Variants in SLCO1B1 observed in about 807,000 individuals in gnomAD.
SLCO1B1 encodes solute carrier organic anion transporter family member 1B1.
A neutral mutation model predicts 70.1 loss-of-function variants in SLCO1B1; 81 were observed. The observed-to-expected ratio is 1.16, with a 90% CI of 0.97 to 1.39. The LOEUF (loss-of-function observed/expected upper bound fraction) is 1.39. Ranked by LOEUF, SLCO1B1 falls within the 40% of genes most tolerant of loss-of-function variation. The probability of loss-of-function intolerance (pLI) is 0.00; values close to 1 mark genes in which losing one functional copy is unlikely to be tolerated. For synonymous variants in SLCO1B1, 283 were observed against 271.5 expected, an observed-to-expected ratio of 1.04 and a Z score of -0.42; for missense variants, 895 against 799.6, an observed-to-expected ratio of 1.12 and a Z score of -1.44.
rs772419026 is a variant in SLCO1B1, at chr12:21,200,693, G to T, written c.1135+21G>T. ...ATTGGGTAAGACATATTTTTTACTT[G>T]TGTGCTTAATAAGTGAAATAATACT... On this transcript the variant is annotated intron_variant, in intron 9 of 14. Transcript: ENST00000256958. The T allele has an allele frequency of 4.4e-6, 7 of 1,600,428 alleles. No homozygotes were observed. In the African/African-American group the frequency reaches 9.4e-5, roughly 21 times the overall value.
chr12:21,142,291 C>G (rs1218655113), intron 2 of SLCO1B1, among the ~76,000 whole-genome samples: 1 of 151,856 alleles, frequency 6.6e-6, no homozygotes. Flanking sequence ...TTAAGTGATG[C>G]TGGCATTTTT....
chr12:21,155,720 T>C (rs1313955888), intron 2 of SLCO1B1, among the ~76,000 whole-genome samples: 1 of 152,134 alleles, frequency 6.6e-6, no homozygotes, highest in Non-Finnish European at 1.5e-5. Context: ...CAGTAACCAA[T>C]AAATCACGTC....
intron 13 of SLCO1B1, among the ~76,000 whole-genome samples, chr12:21,223,939 G>C (rs891504558): frequency 6.6e-6 from 1 of 152,088 alleles, no homozygotes; most frequent in Non-Finnish European, 1.5e-5. Flanking sequence ...GAAAAGCCTT[G>C]CATTCTGCTA....
chr12:21,174,461 T>G, intron 3 of SLCO1B1, 116 bp from the exon 4 acceptor site: 2 of 955,892 alleles, frequency 2.1e-6, no homozygotes, highest in African/African-American at 1.6e-5. Context: ...TTAAATCACA[T>G]TGTCTTTGAG....
At chr12:21,201,873 A>G (rs1941161987) in intron 9 of SLCO1B1, among the ~76,000 whole-genome samples, 1 of 152,194 alleles carries the variant, frequency 6.6e-6, no homozygotes, top group South Asian at 2.1e-4. Context: ...TTAAAAAGTA[A>G]TAAGATTGGC....
At chr12:21,179,245 A>G (rs1940863647) in intron 7 of SLCO1B1, among the ~76,000 whole-genome samples, 1 of 152,186 alleles carries the variant, frequency 6.6e-6, no homozygotes, top group Non-Finnish European at 1.5e-5. Context: ...ATGTAAACAA[A>G]TTTATTTTCA....
At chr12:21,226,117 T>G (rs1353917929) in intron 14 of SLCO1B1, among the ~76,000 whole-genome samples, 1 of 152,118 alleles carries the variant, frequency 6.6e-6, no homozygotes, top group Non-Finnish European at 1.5e-5. Context: ...AAGAAGGCAG[T>G]CTAAAGAAGC....
intron 5 of SLCO1B1, among the ~76,000 whole-genome samples, chr12:21,177,346 A>G (rs1054642883): frequency 6.6e-6 from 1 of 152,200 alleles, no homozygotes; most frequent in Admixed American, 6.5e-5. Context: ...TATATGCATT[A>G]AAGTAAAACA....
chr12:21,141,416 T>C, intron 1 of SLCO1B1, 98 bp from the exon 2 acceptor site: 1 of 516,780 alleles, frequency 1.9e-6, no homozygotes. Context: ...TGAATGTTAG[T>C]GAATGGTTGA....
At chr12:21,194,991 G>C (rs915379798) in intron 7 of SLCO1B1, among the ~76,000 whole-genome samples, 1 of 152,116 alleles carries the variant, frequency 6.6e-6, no homozygotes, top group Non-Finnish European at 1.5e-5. Context: ...CTTCTCCTGA[G>C]AACTCATACA....
chr12:21,214,820 G>A (rs1489482475), intron 11 of SLCO1B1, among the ~76,000 whole-genome samples: 6 of 152,162 alleles, frequency 3.9e-5, no homozygotes, highest in Admixed American at 2.6e-4. Context: ...GGAGTGACCC[G>A]ATTTTCCAGG....
At chr12:21,207,908 T>C (rs1941232736) in intron 11 of SLCO1B1, among the ~76,000 whole-genome samples, 1 of 152,086 alleles carries the variant, frequency 6.6e-6, no homozygotes, top group Non-Finnish European at 1.5e-5. Context: ...ATGTTAAACA[T>C]TTTTATGTGT....
At chr12:21,154,516 A>G (rs12371691) in intron 2 of SLCO1B1, among the ~76,000 whole-genome samples, 19,841 of 152,104 alleles carry the variant, frequency 0.13, 1,792 homozygotes, top group Middle Eastern at 0.23. Flanking sequence ...ATATTTTCTT[A>G]CAGCACCCCA....
chr12:21,209,036 G>T (rs2121161410), intron 11 of SLCO1B1, among the ~76,000 whole-genome samples: 1 of 150,636 alleles, frequency 6.6e-6, no homozygotes, highest in South Asian at 2.1e-4. Flanking sequence ...GAGTATTTAG[G>T]GTTTTTTTTT....
Position 21,214,804 on chromosome 12 carries a change from C to G in SLCO1B1, c.1498-2315C>G, listed in dbSNP as rs141530185. Among the ~76,000 whole-genome samples, 59 of 152,256 alleles carry G rather than the reference C, an allele frequency of 3.9e-4. No homozygotes were observed. In the East Asian group the frequency reaches 0.011, roughly 29 times the overall value. On this transcript the variant is annotated intron_variant, in intron 11 of 14. Transcript: ENST00000256958. Reference sequence around the variant, plus strand: ...AAGCCCCTCGGAAAAGCGCAGTATTCGGGTGGGAGTGACCCGATTTTCCAG... The same window carrying G: ...AAGCCCCTCGGAAAAGCGCAGTATTGGGGTGGGAGTGACCCGATTTTCCAG...
At chr12:21,216,019 C>G (rs557053582) in intron 11 of SLCO1B1, among the ~76,000 whole-genome samples, 49 of 152,208 alleles carry the variant, frequency 3.2e-4, no homozygotes, top group African/African-American at 1.0e-3. Context: ...TAGCGAAGGC[C>G]TGAAAGTGAT....
At chr12:21,208,367 C>T (rs1254546672) in intron 11 of SLCO1B1, among the ~76,000 whole-genome samples, 2 of 152,092 alleles carry the variant, frequency 1.3e-5, no homozygotes, top group African/African-American at 2.4e-5. Flanking sequence ...TATTCCAGCA[C>T]CATTTACTGA....
At chr12:21,154,928 T>C (rs1197543679) in intron 2 of SLCO1B1, among the ~76,000 whole-genome samples, 1 of 152,044 alleles carries the variant, frequency 6.6e-6, no homozygotes, top group Non-Finnish European at 1.5e-5. Flanking sequence ...TATTTCTTTG[T>C]CTTTTGTGTA....
intron 1 of SLCO1B1, among the ~76,000 whole-genome samples, chr12:21,136,525 CG>C (rs1940224470): frequency 6.6e-6 from 1 of 151,764 alleles, no homozygotes; most frequent in African/African-American, 2.4e-5. Flanking sequence ...AGGCTTTGTT[CG>C]TTTCTTTTTA....
Sources: allele counts gnomAD v4.1 joint callset (sites outside exome capture counted in the v4.1 genomes callset), GRCh38; gene constraint gnomAD v4.1.1; transcripts MANE v1.5; gene names NCBI Gene and HGNC (gene_info 2026-07-23, HGNC 2026-07-21).